ITGA2B: variants seen among roughly 807,000 people sequenced by gnomAD.
ITGA2B encodes integrin subunit alpha 2b.
A neutral mutation model predicts 142.0 loss-of-function variants in ITGA2B; 91 were observed. That is an observed-to-expected ratio of 0.64 (90% CI 0.54 to 0.76). ITGA2B has a LOEUF of 0.76. ITGA2B is among the 30% of genes least tolerant of loss of function. The pLI, the probability that ITGA2B is intolerant of heterozygous loss-of-function variation, is 0.00. For synonymous variants in ITGA2B, 536 were observed against 567.2 expected (o/e 0.94, Z 0.78); for missense variants, 1,231 against 1,350.8 (o/e 0.91, Z 1.39).
intron 22 of ITGA2B, 116 bp downstream of exon 22, chr17:44,376,893 G>A (rs1362611392): frequency 7.5e-6 from 6 of 795,118 alleles, no homozygotes; most frequent in Admixed American, 2.0e-5. Context: ...GATTACAGGT[G>A]TGAGCCACTG....
rs376346319 is a variant in ITGA2B at position 44,385,657 on chromosome 17, C to T, written c.468G>A (p.Thr156=). 2.2e-5 allele frequency: 36 copies of T among 1,613,584 alleles called. No homozygotes were observed. Among genetic ancestry groups the T allele is most frequent in the Middle Eastern group, 3.3e-4 (2 of 6,070 alleles). The change falls in exon 4 of 30, where the codon ACG becomes ACA. Residue 156 remains threonine (T), a synonymous_variant. Transcript: ENST00000262407. ...VLEKTEEAEK[T]PVGSCFLAQP... ...GAGCCAAAAAGCAGCTACCTACGGG[C>T]GTCTTCTCAGCCTCCTCAGTCTTTT...
At chr17:44,385,467 G>C in intron 4 of ITGA2B, 84 bp downstream of exon 4, 4 of 1,525,016 alleles carry the variant, frequency 2.6e-6, no homozygotes, top group Non-Finnish European at 2.6e-6. Context: ...CCAAAGCAAG[G>C]GCTGCGGCGC....
Position 44,373,918 on chromosome 17 carries a change from T to C in ITGA2B, c.3060+436A>G, listed in dbSNP as rs1169674722. The C allele has an allele frequency of 1.5e-5, 3 of 200,408 alleles. No homozygotes were observed. In the East Asian group the frequency reaches 3.7e-4, roughly 24 times the overall value. 12.4% of individuals were successfully genotyped at this position (200,408 alleles called of 1,614,324 possible). A position where few individuals can be genotyped will look rare whatever the true frequency, so the allele number is the denominator to read the frequency against. On this transcript the variant is annotated intron_variant, in intron 29 of 29. Coordinates refer to ENST00000262407, the MANE Select transcript of ITGA2B (RefSeq NM_000419.5). ...GAAAGACATTCTATTTTTTTCTTTT[T>C]TTTTTGAGATGGAGGCTCGCTCTGT...
rs1233056961 is a variant in ITGA2B at position 44,375,907 on chromosome 17, G to C, written c.2527C>G (p.Leu843Val). Reference sequence around the variant, plus strand: ...GGCTGTATATCCAGGATGTAGAGCAGGTCGGAGGGCTGGGACTGTCCCGGA... The same window carrying C: ...GGCTGTATATCCAGGATGTAGAGCACGTCGGAGGGCTGGGACTGTCCCGGA... Reference protein sequence around the residue: ...HLPGQSQPSDLLYILDIQPQG... With the variant: ...HLPGQSQPSDVLYILDIQPQG... The change falls in exon 25 of 30, where the codon CTG (leucine) becomes GTG (valine). Residue 843 changes from leucine (L) to valine (V), a missense_variant. Leu to Val is a conservative substitution (Grantham distance 32). Transcript: ENST00000262407. 6.2e-7 allele frequency: 1 copy of C among 1,612,830 alleles called. No individual in the cohort carries two copies. The highest frequency in any genetic ancestry group is 8.5e-7 in the Non-Finnish European group (1 of 1,179,602).
At chr17:44,376,575 A>G (rs142759468) in intron 22 of ITGA2B, among the ~76,000 whole-genome samples, 187 bp from the exon 23 acceptor site, 2 of 152,238 alleles carry the variant, frequency 1.3e-5, no homozygotes, top group East Asian at 3.9e-4. Flanking sequence ...TCTGAGGAAG[A>G]AAGGGAACCA....
Position 44,379,752 on chromosome 17 carries a change from C to G in ITGA2B, c.1815G>C (p.Pro605=), listed in dbSNP as rs5912. 187 of 1,613,836 alleles carry G rather than the reference C, an allele frequency of 1.2e-4. 1 individual carries two copies. In the African/African-American group the frequency reaches 2.4e-3, roughly 20 times the overall value. The change falls in exon 18 of 30, where the codon CCG becomes CCC. Residue 605 remains proline, a synonymous_variant. Transcript: ENST00000262407. ...PIVLSLNVSL[P]PTEAGMAPAV... ...CAGGGGCCATTCCAGCCTCCGTGGGCGGTAGGGACACATTGAGGCTGAGCA... is the reference window on the plus strand; with the variant it reads ...CAGGGGCCATTCCAGCCTCCGTGGGGGGTAGGGACACATTGAGGCTGAGCA...
chr17:44,373,038 C>A (rs765482958), intron 29 of ITGA2B, among the ~76,000 whole-genome samples: 111 of 152,172 alleles, frequency 7.3e-4, no homozygotes, highest in Non-Finnish European at 1.4e-3. Context: ...GACTACCACA[C>A]CTGACTAATT....
At chr17:44,383,207 G>C (rs182611749) in intron 12 of ITGA2B, among the ~76,000 whole-genome samples, 1 of 152,034 alleles carries the variant, frequency 6.6e-6, no homozygotes, top group Admixed American at 6.6e-5. Context: ...CTCCCACCAA[G>C]TCCTAATAAT....
At position 44,375,883 on chromosome 17, in the gene ITGA2B, G is replaced by T. The variant is rs1373339618; in HGVS notation, c.2551C>A (p.Pro851Thr). ...GGGAAGCACTGAAGGCCCCCCTGGG[G>T]CTGTATATCCAGGATGTAGAGCAGG... Reference protein sequence around the residue: ...SDLLYILDIQPQGGLQCFPQP... With the variant: ...SDLLYILDIQTQGGLQCFPQP... Residue 851 changes from proline (P) to threonine (T), a missense_variant, in exon 25 of 30, where the codon CCC becomes ACC. By Grantham distance (38) the Pro-to-Thr change is conservative. Transcript: ENST00000262407. 2 of 1,607,486 alleles carry T rather than the reference G, an allele frequency of 1.2e-6. No homozygotes were observed. The highest frequency in any genetic ancestry group is 1.3e-5 in the African/African-American group (1 of 75,046).
chr17:44,374,815 A>C, intron 27 of ITGA2B, 55 bp from the exon 28 acceptor site: 8 of 1,483,404 alleles, frequency 5.4e-6, no homozygotes, highest in Admixed American at 1.7e-5. Context: ...TATTGGTTGC[A>C]GGAGTCCAGG....
rs770149634 is a variant in ITGA2B, at chr17:44,380,164, A to G, written c.1601-11T>C. The stretch of plus-strand genomic sequence containing the variant: ...GCTCGGCATTTAGGGCTGGCAGGGC[A>G]AGCAGAAGAGTCAGGACCTCCCTGG... On this transcript the variant is annotated splice_polypyrimidine_tract_variant and intron_variant, in intron 16 of 29. Transcript: ENST00000262407. The G allele has an allele frequency of 6.2e-7, 1 of 1,613,438 alleles. No individual in the cohort carries two copies. The highest frequency in any genetic ancestry group is 1.3e-5 in the African/African-American group (1 of 74,906).
chr17:44,380,495 T>C lies in ITGA2B; in HGVS notation c.1440-5A>G, dbSNP rs369017163. On this transcript the variant is annotated splice_polypyrimidine_tract_variant and splice_region_variant and intron_variant, in intron 14 of 29. Transcript: ENST00000262407. ...GCCTTCACCACTGGCTGAGCTCTGA[T>C]GGGATAGGGTGATGGGGTAGGCTTG... 2 of 1,613,878 alleles carry C rather than the reference T, an allele frequency of 1.2e-6. No individual in the cohort carries two copies. The highest frequency in any genetic ancestry group is 1.7e-5 in the Admixed American group (1 of 59,998).
chr17:44,379,572 T>C lies in ITGA2B; in HGVS notation c.1878+117A>G, dbSNP rs1598379182. On this transcript the variant is annotated intron_variant, in intron 18 of 29. Transcript: ENST00000262407. ...ACTGGCTGGATTTTGAGGTTTTCAT[T>C]AGGGTTTGGAATGACATCAAGGTTT... The C allele has an allele frequency of 5.9e-6, 9 of 1,524,792 alleles. No homozygotes were observed. The East Asian group carries it at 2.0e-4, about 34-fold the overall frequency. 94.5% of individuals were successfully genotyped at this position (1,524,792 alleles called of 1,614,324 possible).
At chr17:44,385,464 A>G in intron 4 of ITGA2B, 87 bp downstream of exon 4, 1 of 1,522,626 alleles carries the variant, frequency 6.6e-7, no homozygotes. Context: ...GATCCAAAGC[A>G]AGGGCTGCGG....
chr17:44,376,537 C>G (rs1005967499), intron 22 of ITGA2B, 149 bp from the exon 23 acceptor site: 2 of 722,376 alleles, frequency 2.8e-6, no homozygotes, highest in Non-Finnish European at 4.9e-6. Flanking sequence ...AGAACTTCCT[C>G]TAGGGCTCCA....
Position 44,372,419 on chromosome 17 carries a change from C to G in ITGA2B, c.3065G>C (p.Gly1022Ala). Residue 1022 changes from glycine to alanine, a missense_variant, in exon 30 of 30, where the codon GGC becomes GCC. Transcript: ENST00000262407. ...TILVLAMWKV[G>A]FFKRNRPPLE... ...GGGTGGCCGGTTCCGCTTGAAGAAG[C>G]CGACCTGGGGGTACACGGGGGCCAA... The G allele has an allele frequency of 6.2e-7, 1 of 1,614,056 alleles. No homozygotes were observed. Among genetic ancestry groups the G allele is most frequent in the Non-Finnish European group, 8.5e-7 (1 of 1,180,004 alleles).
intron 21 of ITGA2B, 107 bp from the exon 22 acceptor site, chr17:44,377,195 TTTC>T (rs1598377666): frequency 3.5e-6 from 3 of 858,644 alleles, no homozygotes; most frequent in Non-Finnish European, 5.6e-6. Context: ...CACTATTCTT[TTTC>T]TTTTTTTTTT....
chr17:44,374,444 C>T lies in ITGA2B; in HGVS notation c.2970G>A (p.Leu990=). The T allele has an allele frequency of 1.9e-6, 3 of 1,614,164 alleles. No homozygotes were observed. Among genetic ancestry groups the T allele is most frequent in the Non-Finnish European group, 2.5e-6 (3 of 1,180,030 alleles). Reference sequence around the variant, plus strand: ...ACCAGATTGGAATGGCCCTCTCCTCCAAGGCCCGGAGCAGCTGTGTCCACA... The same window carrying T: ...ACCAGATTGGAATGGCCCTCTCCTCTAAGGCCCGGAGCAGCTGTGTCCACA... ...AQVWTQLLRA[L]EERAIPIWWV... The change falls in exon 29 of 30, where the codon TTG becomes TTA. Residue 990 remains leucine (L), a synonymous_variant. Coordinates refer to ENST00000262407, the MANE Select transcript of ITGA2B (RefSeq NM_000419.5).
intron 1 of ITGA2B, among the ~76,000 whole-genome samples, chr17:44,387,600 T>A: frequency 6.7e-6 from 1 of 148,648 alleles, no homozygotes. Context: ...CCAAGGCGGG[T>A]GGATCACCTG....
Sources: allele counts gnomAD v4.1 joint callset (sites outside exome capture counted in the v4.1 genomes callset), GRCh38; gene constraint gnomAD v4.1.1; transcripts MANE v1.5; gene names NCBI Gene and HGNC (gene_info 2026-07-23, HGNC 2026-07-21).